PRDM16: variants seen among roughly 807,000 people sequenced by gnomAD.
The protein encoded by PRDM16 is PR/SET domain 16.
A neutral mutation model predicts 110.6 loss-of-function variants in PRDM16; 23 were observed. That is an observed-to-expected ratio of 0.21 (90% confidence interval 0.15 to 0.29). PRDM16 has a LOEUF of 0.29. PRDM16 is among the 10% of genes least tolerant of loss of function. PRDM16 has a pLI of 1.00. For synonymous variants in PRDM16, 799 were observed against 781.8 expected (o/e 1.02, Z -0.37); for missense variants, 1,615 against 1,794.3 (o/e 0.90, Z 1.81).
chr1:3,292,892 C>T (rs1641008135), intron 3 of PRDM16, among the ~76,000 whole-genome samples: 1 of 152,198 alleles, frequency 6.6e-6, no homozygotes, highest in Non-Finnish European at 1.5e-5. Context: ...CGTGAGCAGC[C>T]CTGTGGAAGG....
chr1:3,338,605 G>A (rs766002526), intron 3 of PRDM16, among the ~76,000 whole-genome samples: 1 of 152,220 alleles, frequency 6.6e-6, no homozygotes, highest in African/African-American at 2.4e-5. Context: ...GCCTCTGGGT[G>A]CTCAGCCCCT....
Position 3,435,607 on chromosome 1 carries a change from G to A in PRDM16, c.*1796G>A, listed in dbSNP as rs1638885344. On this transcript the variant is annotated 3_prime_UTR_variant, in exon 17 of 17. Coordinates refer to ENST00000270722, the MANE Select transcript of PRDM16 (RefSeq NM_022114.4). ...GCCCAAGTTGCCCTTTAAAAAAAAA[G>A]AGCGTAAATACAAACAGGAGTGGTG... 2 of 231,224 alleles carry A rather than the reference G, an allele frequency of 8.6e-6. No homozygotes were observed. Among genetic ancestry groups the A allele is most frequent in the South Asian group, 1.8e-4 (1 of 5,480 alleles). The allele number at this position is 231,224 out of a possible 1,614,324, so 14.3% of individuals were successfully genotyped here. A position where few individuals can be genotyped will look rare whatever the true frequency, so the allele number is the denominator to read the frequency against.
chr1:3,300,506 G>C (rs1386520159), intron 3 of PRDM16, among the ~76,000 whole-genome samples: 1 of 152,156 alleles, frequency 6.6e-6, no homozygotes, highest in African/African-American at 2.4e-5. Flanking sequence ...GGTTGAAGAT[G>C]ATGTGCTGTG....
chr1:3,110,907 C>T (rs1232802523), intron 1 of PRDM16, among the ~76,000 whole-genome samples: 6 of 152,204 alleles, frequency 3.9e-5, no homozygotes, highest in East Asian at 1.9e-4. Flanking sequence ...CCTGATGCCC[C>T]GGGGTGGGGT....
intron 3 of PRDM16, among the ~76,000 whole-genome samples, chr1:3,293,331 G>A (rs542731576): frequency 2.2e-4 from 33 of 152,354 alleles, no homozygotes; most frequent in African/African-American, 6.7e-4. Context: ...GACCAGCACC[G>A]CATCCCAGGC....
chr1:3,292,984 G>A (rs941078135), intron 3 of PRDM16, among the ~76,000 whole-genome samples: 20 of 152,356 alleles, frequency 1.3e-4, no homozygotes, highest in African/African-American at 3.8e-4. Context: ...GCATGACCTC[G>A]GACTCTTGAG....
intron 3 of PRDM16, among the ~76,000 whole-genome samples, chr1:3,355,731 C>T (rs190220640): frequency 1.2e-3 from 185 of 152,282 alleles, no homozygotes; most frequent in African/African-American, 4.0e-3. Flanking sequence ...GAAGTGCAGC[C>T]GCCACCCTGA....
At chr1:3,283,049 G>A (rs529286827) in intron 3 of PRDM16, among the ~76,000 whole-genome samples, 45 of 152,336 alleles carry the variant, frequency 3.0e-4, no homozygotes, top group African/African-American at 9.4e-4. Context: ...CTGTGAGGCC[G>A]GGTGGGAGGC....
chr1:3,221,107 A>G (rs1639141138), intron 2 of PRDM16, among the ~76,000 whole-genome samples: 2 of 152,220 alleles, frequency 1.3e-5, no homozygotes, highest in South Asian at 2.1e-4. Flanking sequence ...TCAGCTGGCC[A>G]TGCCGACACT....
intron 8 of PRDM16, among the ~76,000 whole-genome samples, chr1:3,406,188 G>A (rs1043181089): frequency 1.3e-5 from 2 of 152,168 alleles, no homozygotes; most frequent in Admixed American, 1.3e-4. Context: ...GCACACCAAT[G>A]GGAGGAGACA....
rs1471704989 is a variant in PRDM16 at position 3,353,400 on chromosome 1, G to C, written c.439-31752G>C. Among the ~76,000 whole-genome samples the C allele has an allele frequency of 1.3e-5, 2 of 152,154 alleles. No individual in the cohort carries two copies. Among genetic ancestry groups the C allele is most frequent in the Non-Finnish European group, 2.9e-5 (2 of 68,012 alleles). On this transcript the variant is annotated intron_variant, in intron 3 of 16. Transcript: ENST00000270722. This position sits in a 1 kb window ranked among gnomAD's most constrained non-coding sequence, Gnocchi z 5.4. ...GTATTTCTTGCCACATCTGAAATTG[G>C]ACCCGAATGCGCATGGGGACACCAT...
At position 3,190,795 on chromosome 1, in the gene PRDM16, G is replaced by T. The variant is rs1385641378; in HGVS notation, c.387+4321G>T. Among the ~76,000 whole-genome samples, 1 of 152,246 alleles carries T rather than the reference G, an allele frequency of 6.6e-6. No homozygotes were observed. On this transcript the variant is annotated intron_variant, in intron 2 of 16. Coordinates refer to ENST00000270722, the MANE Select transcript of PRDM16 (RefSeq NM_022114.4). The surrounding 1 kb of genome is among the most constrained non-coding windows in gnomAD (Gnocchi z 5.0). Reference sequence around the variant, plus strand: ...TCGCCGTGGGGTCTGCAAAAACAATGATTTTCACATTTGTTGAGTAAATCA... The same window carrying T: ...TCGCCGTGGGGTCTGCAAAAACAATTATTTTCACATTTGTTGAGTAAATCA...
chr1:3,203,584 G>A (rs990926329), intron 2 of PRDM16, among the ~76,000 whole-genome samples: 1 of 107,682 alleles, frequency 9.3e-6, no homozygotes, highest in African/African-American at 6.8e-5. Context: ...TCTCTCCCCG[G>A]GGGGGCCAGG....
chr1:3,141,298 G>T (rs976865669), intron 1 of PRDM16, among the ~76,000 whole-genome samples: 1 of 152,138 alleles, frequency 6.6e-6, no homozygotes, highest in African/African-American at 2.4e-5. Flanking sequence ...TACCTGCCCT[G>T]TCAGCTCAGC....
intron 1 of PRDM16, among the ~76,000 whole-genome samples, chr1:3,114,295 GCACACGCACGCACACACACGCA>G (rs1268224275): frequency 1.8e-5 from 2 of 108,244 alleles, no homozygotes; most frequent in Non-Finnish European, 3.6e-5. Context: ...CAGTGGAAAC[GCACACGCACGCACACACACGCA>G]CACACGCAGT....
intron 1 of PRDM16, among the ~76,000 whole-genome samples, chr1:3,130,858 G>A (rs977862739): frequency 4.6e-5 from 7 of 151,060 alleles, no homozygotes; most frequent in African/African-American, 9.8e-5. Flanking sequence ...GTTTCACAGC[G>A]TCAGACCCAC....
chr1:3,231,536 C>T (rs937219717), intron 2 of PRDM16, among the ~76,000 whole-genome samples: 2 of 152,134 alleles, frequency 1.3e-5, no homozygotes, highest in Admixed American at 6.5e-5. Flanking sequence ...TTCTGGGACT[C>T]ACAATGGGAA....
In PRDM16 at chr1:3,412,279, G is replaced by A; in HGVS notation, c.2082G>A (p.Lys694=). ...CGGGCGCCGCCGGGGACTCCATCAA[G>A]GCCATCGCATCCATTGCCGAGAAGT... ...TATGAAGDSI[K]AIASIAEKYF... The change falls in exon 9 of 17, where the codon AAG becomes AAA. Residue 694 remains lysine (K), a synonymous_variant. Coordinates refer to ENST00000270722, the MANE Select transcript of PRDM16 (RefSeq NM_022114.4). 6.2e-7 allele frequency: 1 copy of A among 1,613,552 alleles called. No homozygotes were observed. Among genetic ancestry groups the A allele is most frequent in the East Asian group, 2.2e-5 (1 of 44,854 alleles).
chr1:3,367,161 G>A (rs1165780350), intron 3 of PRDM16, among the ~76,000 whole-genome samples: 1 of 152,140 alleles, frequency 6.6e-6, no homozygotes, highest in Non-Finnish European at 1.5e-5. Context: ...TTCGGCTCCT[G>A]GGGAGGCTGA....
Sources: allele counts gnomAD v4.1 joint callset (sites outside exome capture counted in the v4.1 genomes callset), GRCh38; gene constraint gnomAD v4.1.1; non-coding constraint Gnocchi (gnomAD v3.1); transcripts MANE v1.5; gene names NCBI Gene and HGNC (gene_info 2026-07-23, HGNC 2026-07-21).